TMEM178A: variants seen among roughly 807,000 people sequenced by gnomAD.
TMEM178A encodes the protein transmembrane protein 178.
In TMEM178A, 12 loss-of-function variants were observed where a neutral mutation model predicts 29.1. The ratio of observed to expected loss-of-function variants is 0.41; its 90% CI spans 0.26 to 0.67. The LOEUF is 0.67. Ranked by LOEUF, TMEM178A falls within the 30% of genes least tolerant of loss-of-function variation. The probability of loss-of-function intolerance (pLI) is 0.29; values close to 1 mark genes in which losing one functional copy is unlikely to be tolerated. For missense variants in TMEM178A, 366 were observed against 419.1 expected (o/e 0.87, Z 1.11); for synonymous variants, 210 against 187.2 (o/e 1.12, Z -0.99).
rs781630043 is a variant in TMEM178A, at chr2:39,666,006, G to C, written c.32G>C (p.Ser11Thr). Residue 11 changes from serine (S) to threonine (T), a missense_variant, in exon 1 of 4, where the codon AGC (serine) becomes ACC (threonine). Coordinates refer to ENST00000281961, the MANE Select transcript of TMEM178A (RefSeq NM_152390.3). MEPRALVTAL[S>T]LGLSLCSLGL... ...CCGCGGGCGCTCGTCACGGCGCTCA[G>C]CCTCGGCCTCAGCCTGTGCTCCCTG... is the stretch of plus-strand genomic sequence containing the variant. The C allele has an allele frequency of 6.7e-7, 1 of 1,501,546 alleles. No individual in the cohort carries two copies. The highest frequency in any genetic ancestry group is 2.8e-5 in the East Asian group (1 of 36,178). 93.0% of individuals were successfully genotyped at this position (1,501,546 alleles called of 1,614,324 possible).
rs1553348013 is a variant in TMEM178A, at chr2:39,694,161, G to GTAGTAA, written c.401-9918_401-9917insGTAATA. On this transcript the variant is annotated intron_variant, in intron 1 of 3. Transcript: ENST00000281961. Reference sequence around the variant, plus strand: ...AAAAAAAGTAGCAATAGTAGTAGTAGTAATAATAATAATAATAATAATAAT... The same window carrying GTAGTAA: ...AAAAAAAGTAGCAATAGTAGTAGTAGTAGTAATAATAATAATAATAATAATAATAAT... Among the ~76,000 whole-genome samples, 310 of 146,712 alleles carry GTAGTAA rather than the reference G, an allele frequency of 2.1e-3. 1 individual carries two copies. The highest frequency in any genetic ancestry group is 6.8e-3 in the African/African-American group (272 of 40,102).
intron 3 of TMEM178A, among the ~76,000 whole-genome samples, chr2:39,710,572 T>C (rs902078725): frequency 3.9e-5 from 6 of 152,168 alleles, no homozygotes; most frequent in African/African-American, 1.4e-4. Context: ...GGGGCGTTTG[T>C]TTTGCTTTTG....
chr2:39,672,285 T>C (rs910829031), intron 1 of TMEM178A, among the ~76,000 whole-genome samples: 2 of 152,234 alleles, frequency 1.3e-5, no homozygotes, highest in African/African-American at 4.8e-5. Context: ...TTAAGTAGTT[T>C]ATGATCAAAA....
At chr2:39,706,253 C>G (rs749090845) in intron 2 of TMEM178A, among the ~76,000 whole-genome samples, 1 of 152,186 alleles carries the variant, frequency 6.6e-6, no homozygotes, top group Non-Finnish European at 1.5e-5. Context: ...AGTTGGGCCA[C>G]TGTATAGTGG....
chr2:39,713,862 A>G (rs1672421267), intron 3 of TMEM178A, among the ~76,000 whole-genome samples: 1 of 152,180 alleles, frequency 6.6e-6, no homozygotes, highest in Admixed American at 6.5e-5. Context: ...CATTTCAAAC[A>G]ACTCTTTTTC....
chr2:39,711,184 C>T (rs934696498), intron 3 of TMEM178A, among the ~76,000 whole-genome samples: 7 of 152,212 alleles, frequency 4.6e-5, no homozygotes, highest in Non-Finnish European at 7.3e-5. Flanking sequence ...TCTTATCTTC[C>T]AGCTTTAAGC....
intron 1 of TMEM178A, among the ~76,000 whole-genome samples, chr2:39,679,568 G>C (rs1670783990): frequency 1.3e-5 from 2 of 151,960 alleles, no homozygotes. Context: ...TCATTATGTA[G>C]GTGTTTTTGT....
At chr2:39,668,336 G>A (rs1394352232) in intron 1 of TMEM178A, among the ~76,000 whole-genome samples, 3 of 152,176 alleles carry the variant, frequency 2.0e-5, no homozygotes, top group East Asian at 1.9e-4. Flanking sequence ...TCCCAGTCAC[G>A]AATGCCTATT....
chr2:39,673,752 C>A (rs1670499706), intron 1 of TMEM178A, among the ~76,000 whole-genome samples: 1 of 152,196 alleles, frequency 6.6e-6, no homozygotes, highest in Non-Finnish European at 1.5e-5. Flanking sequence ...AGGGTAGGGG[C>A]AGTGGTGGAT....
intron 2 of TMEM178A, among the ~76,000 whole-genome samples, chr2:39,704,553 T>C (rs1671941022): frequency 6.6e-6 from 1 of 152,192 alleles, no homozygotes; most frequent in Non-Finnish European, 1.5e-5. Flanking sequence ...ATTTTTGTTT[T>C]GTATATACAA....
chr2:39,709,100 G>A (rs761279782), intron 3 of TMEM178A, among the ~76,000 whole-genome samples: 1 of 152,244 alleles, frequency 6.6e-6, no homozygotes, highest in East Asian at 1.9e-4. Context: ...AATTAAGCCT[G>A]CGTTAACAGG....
At chr2:39,708,909 G>A (rs1672180633) in intron 3 of TMEM178A, among the ~76,000 whole-genome samples, 2 of 152,138 alleles carry the variant, frequency 1.3e-5, no homozygotes, top group Non-Finnish European at 1.5e-5. Flanking sequence ...GTGTATTAAT[G>A]ATTAGTGAAT....
At chr2:39,709,801 G>A (rs1672222917) in intron 3 of TMEM178A, among the ~76,000 whole-genome samples, 1 of 152,246 alleles carries the variant, frequency 6.6e-6, no homozygotes, top group African/African-American at 2.4e-5. Context: ...ATGCTCTGGA[G>A]TGGACAAAAG....
downstream of TMEM178A, among the ~76,000 whole-genome samples, chr2:39,719,876 T>C (rs1672669119): frequency 1.3e-5 from 2 of 152,138 alleles, no homozygotes; most frequent in African/African-American, 4.8e-5. Flanking sequence ...CAGAACATAA[T>C]AGCCCCCATA....
intron 3 of TMEM178A, among the ~76,000 whole-genome samples, chr2:39,710,847 CA>C (rs1293508993): frequency 6.6e-6 from 1 of 152,238 alleles, no homozygotes; most frequent in Non-Finnish European, 1.5e-5. Flanking sequence ...GCTAAACCTT[CA>C]AATGAAGAAC....
At chr2:39,672,715 TTTGTAGAGATGGGGTC>T (rs1172456643) in intron 1 of TMEM178A, among the ~76,000 whole-genome samples, 1 of 151,960 alleles carries the variant, frequency 6.6e-6, no homozygotes, top group African/African-American at 2.4e-5. Flanking sequence ...AAAAAACAAC[TTTGTAGAGATGGGGTC>T]TTGCTATGTT....
intron 1 of TMEM178A, among the ~76,000 whole-genome samples, chr2:39,697,186 A>G (rs1671580705): frequency 6.6e-6 from 1 of 152,200 alleles, no homozygotes; most frequent in African/African-American, 2.4e-5. Flanking sequence ...TTTTATCAGA[A>G]AGACCTAATT....
At chr2:39,721,012 T>G (rs897174358), downstream of TMEM178A, among the ~76,000 whole-genome samples, 1 of 152,244 alleles carries the variant, frequency 6.6e-6, no homozygotes, top group Non-Finnish European at 1.5e-5. Flanking sequence ...TTTAAAGCGT[T>G]CTCATTTATG....
chr2:39,700,210 C>T (rs1671722997), intron 1 of TMEM178A, among the ~76,000 whole-genome samples: 1 of 151,968 alleles, frequency 6.6e-6, no homozygotes, highest in South Asian at 2.1e-4. Context: ...ATCTTCTGTC[C>T]AGTTGTTTTA....
Sources: gnomAD v4.1 joint callset for allele counts (sites outside exome capture counted in the v4.1 genomes callset) on GRCh38, gnomAD v4.1.1 for gene constraint, MANE v1.5 for transcripts, NCBI Gene and HGNC (gene_info 2026-07-23, HGNC 2026-07-21) for gene names.